Variants in LAMA2 observed in about 807,000 individuals in gnomAD.
The protein encoded by LAMA2 is laminin subunit alpha-2.
A neutral mutation model predicts 364.8 loss-of-function variants in LAMA2; 269 were observed. The ratio of observed to expected loss-of-function variants is 0.74; its 90% CI spans 0.67 to 0.82. The LOEUF (loss-of-function observed/expected upper bound fraction) is 0.82. Among genes scored for constraint, LAMA2 ranks in the 40% least tolerant of loss-of-function variants. The pLI, the probability that LAMA2 is intolerant of heterozygous loss-of-function variation, is 0.00. For synonymous variants in LAMA2, 1,379 were observed against 1,370.6 expected (o/e 1.01, Z -0.14); for missense variants, 3,807 against 3,873.2 (o/e 0.98, Z 0.45).
intron 45 of LAMA2, among the ~76,000 whole-genome samples, chr6:129,446,538 G>A (rs1460659824): frequency 1.5e-5 from 1 of 66,494 alleles, no homozygotes; most frequent in Non-Finnish European, 3.0e-5. Flanking sequence ...GGGAGGGGAG[G>A]CGAGGGGAGG....
intron 10 of LAMA2, among the ~76,000 whole-genome samples, chr6:129,182,420 A>G (rs578173209): frequency 1.3e-4 from 19 of 151,912 alleles, no homozygotes; most frequent in Middle Eastern, 3.4e-3. Context: ...CAATGTATAG[A>G]GAAAAACCAT....
chr6:129,053,026 A>G (rs1019641138), intron 2 of LAMA2, among the ~76,000 whole-genome samples: 4 of 152,218 alleles, frequency 2.6e-5, no homozygotes, highest in Admixed American at 1.3e-4. Context: ...GGCAACCACC[A>G]GAAACCTTTC....
chr6:128,937,404 A>G (rs1171980615), intron 1 of LAMA2, among the ~76,000 whole-genome samples: 1 of 151,910 alleles, frequency 6.6e-6, no homozygotes, highest in African/African-American at 2.4e-5. Flanking sequence ...GTTCCCTCCA[A>G]GTGTCTGGTC....
intron 29 of LAMA2, among the ~76,000 whole-genome samples, chr6:129,333,778 A>C (rs377026034): frequency 1.6e-4 from 24 of 152,274 alleles, no homozygotes; most frequent in African/African-American, 5.3e-4. Flanking sequence ...GCACAGTTAT[A>C]TTTGCTTTAT....
At chr6:129,119,736 G>T (rs554661778) in intron 4 of LAMA2, among the ~76,000 whole-genome samples, 22 of 152,184 alleles carry the variant, frequency 1.4e-4, no homozygotes, top group East Asian at 5.8e-4. Context: ...TTTTAGTACA[G>T]ACGGGGTTTC....
chr6:129,328,211 A>C, intron 28 of LAMA2, 67 bp from the exon 29 acceptor site: 838 of 1,344,426 alleles, frequency 6.2e-4, no homozygotes, highest in Non-Finnish European at 7.9e-4. Flanking sequence ...CAGCCACTGA[A>C]GAGCTCAAGC....
chr6:129,205,213 C>A lies in LAMA2; in HGVS notation c.1782+12360C>A, dbSNP rs540296386. On this transcript the variant is annotated intron_variant, in intron 12 of 64. Transcript: ENST00000421865. The stretch of plus-strand genomic sequence containing the variant: ...GACCATCCTGGTTAACATGGTGAAA[C>A]CCCGTCTCTACTAAAAAAAATACAA... Among the ~76,000 whole-genome samples, 3 of 137,206 alleles carry A rather than the reference C, an allele frequency of 2.2e-5. No homozygotes were observed. The East Asian group carries it at 6.0e-4, about 27-fold the overall frequency. 90.0% of individuals were successfully genotyped at this position (137,206 alleles called of 152,430 possible). A position where few individuals can be genotyped will look rare whatever the true frequency, so the allele number is the denominator to read the frequency against.
At chr6:129,263,880 C>A (rs543136000) in intron 15 of LAMA2, among the ~76,000 whole-genome samples, 1 of 152,212 alleles carries the variant, frequency 6.6e-6, no homozygotes, top group African/African-American at 2.4e-5. Flanking sequence ...GCTGGGACTA[C>A]AGGTGTATAC....
chr6:129,496,376 G>C (rs1785195891), intron 58 of LAMA2, among the ~76,000 whole-genome samples: 1 of 152,128 alleles, frequency 6.6e-6, no homozygotes, highest in South Asian at 2.1e-4. Context: ...ATGTTGGTCA[G>C]GCTGGTCTCG....
chr6:129,306,604 G>T (rs1006103089), intron 22 of LAMA2, among the ~76,000 whole-genome samples: 5 of 149,778 alleles, frequency 3.3e-5, no homozygotes, highest in Non-Finnish European at 7.4e-5. Flanking sequence ...TTGTATGTTG[G>T]GCCAATTGAT....
chr6:128,893,014 T>G (rs1014836357), intron 1 of LAMA2, among the ~76,000 whole-genome samples: 2 of 151,942 alleles, frequency 1.3e-5, no homozygotes, highest in Non-Finnish European at 2.9e-5. Flanking sequence ...AGTTTCAATC[T>G]TGCCTAACAC....
chr6:129,346,728 C>T (rs985803367), intron 30 of LAMA2, among the ~76,000 whole-genome samples: 3 of 152,042 alleles, frequency 2.0e-5, no homozygotes, highest in African/African-American at 7.3e-5. Flanking sequence ...TCCTAGCCTT[C>T]TGGAGCTTGT....
chr6:129,012,372 C>T (rs544285788), intron 1 of LAMA2, among the ~76,000 whole-genome samples: 4 of 152,040 alleles, frequency 2.6e-5, no homozygotes, highest in African/African-American at 9.6e-5. Flanking sequence ...GTAAATAACC[C>T]CGAACTCCTA....
intron 12 of LAMA2, among the ~76,000 whole-genome samples, chr6:129,200,784 T>A (rs186087684): frequency 6.2e-4 from 94 of 152,230 alleles, no homozygotes; most frequent in Middle Eastern, 3.4e-3. Context: ...AGATGAATAC[T>A]TAACTTTTAT....
chr6:128,935,645 T>G (rs1027270031), intron 1 of LAMA2, among the ~76,000 whole-genome samples: 4 of 152,218 alleles, frequency 2.6e-5, no homozygotes, highest in Non-Finnish European at 5.9e-5. Flanking sequence ...TTTCATATCC[T>G]GCAACTTTAT....
chr6:129,200,800 T>C (rs1355490953), intron 12 of LAMA2, among the ~76,000 whole-genome samples: 1 of 152,072 alleles, frequency 6.6e-6, no homozygotes, highest in Non-Finnish European at 1.5e-5. Context: ...TTTATTGAAA[T>C]AGGCATTGCA....
Position 129,018,825 on chromosome 6 carries a change from A to G in LAMA2, c.113-31093A>G, listed in dbSNP as rs1402449151. ...GTCTTTTATGACGTAAATATTGTCT[A>G]ATACTAAAACATCTACTATTCCATG... On this transcript the variant is annotated intron_variant, in intron 1 of 64. Coordinates refer to ENST00000421865, the MANE Select transcript of LAMA2 (RefSeq NM_000426.4). Among the ~76,000 whole-genome samples the G allele has an allele frequency of 3.9e-5, 6 of 152,250 alleles. No homozygotes were observed. In the East Asian group the frequency reaches 9.6e-4, roughly 24 times the overall value.
chr6:129,469,831 A>G (rs1783722407), intron 51 of LAMA2, among the ~76,000 whole-genome samples: 1 of 151,940 alleles, frequency 6.6e-6, no homozygotes, highest in South Asian at 2.1e-4. Flanking sequence ...ATAGGCAGAC[A>G]AAAAAGGCAA....
At chr6:129,402,613 T>A in intron 39 of LAMA2, 126 bp downstream of exon 39, 1 of 951,364 alleles carries the variant, frequency 1.1e-6, no homozygotes, top group Non-Finnish European at 1.6e-6. Context: ...ACTAGCTATA[T>A]GGCCTTTCTG....
Sources: allele counts gnomAD v4.1 joint callset (sites outside exome capture counted in the v4.1 genomes callset), GRCh38; gene constraint gnomAD v4.1.1; transcripts MANE v1.5; gene names NCBI Gene and HGNC (gene_info 2026-07-23, HGNC 2026-07-21).